SGCZ: variants seen among roughly 807,000 people sequenced by gnomAD.
SGCZ encodes zeta-sarcoglycan.
In SGCZ, 40 loss-of-function variants were observed where a neutral mutation model predicts 41.3. The ratio of observed to expected loss-of-function variants is 0.97; its 90% CI spans 0.75 to 1.26. The LOEUF (loss-of-function observed/expected upper bound fraction) is 1.26. Ranked by LOEUF, SGCZ falls within the 50% of genes most tolerant of loss-of-function variation. SGCZ has a pLI of 0.00. For synonymous variants in SGCZ, 206 were observed against 137.5 expected, an observed-to-expected ratio of 1.50 and a Z score of -3.49; for missense variants, 552 against 369.8, an observed-to-expected ratio of 1.49 and a Z score of -4.04.
intron 2 of SGCZ, among the ~76,000 whole-genome samples, chr8:14,458,508 G>A (rs1005514303): frequency 6.6e-6 from 1 of 152,174 alleles, no homozygotes; most frequent in Non-Finnish European, 1.5e-5. Flanking sequence ...AGTGAGGAAA[G>A]AAATTTTAAA....
At chr8:15,010,082 A>C (rs1802772641) in intron 1 of SGCZ, among the ~76,000 whole-genome samples, 1 of 152,168 alleles carries the variant, frequency 6.6e-6, no homozygotes, top group South Asian at 2.1e-4. Context: ...GTTATTTGAG[A>C]AATAGTCATC....
intron 2 of SGCZ, among the ~76,000 whole-genome samples, chr8:14,375,416 G>T (rs141826207): frequency 1.3e-5 from 2 of 152,034 alleles, no homozygotes; most frequent in East Asian, 1.9e-4. Flanking sequence ...CCATGATCAA[G>T]AACATAATTA....
intron 2 of SGCZ, 55 bp from the exon 3 acceptor site, chr8:14,324,259 G>T: frequency 1.5e-6 from 2 of 1,319,478 alleles, no homozygotes; most frequent in Non-Finnish European, 1.1e-6. Flanking sequence ...TGAATATCTG[G>T]CCATAATTTT....
intron 2 of SGCZ, among the ~76,000 whole-genome samples, chr8:14,530,595 G>A (rs1369990714): frequency 6.6e-6 from 1 of 152,098 alleles, no homozygotes; most frequent in African/African-American, 2.4e-5. Context: ...CAGTAACACT[G>A]TATGGTTCAC....
At chr8:14,610,294 G>C (rs1398808317) in intron 1 of SGCZ, among the ~76,000 whole-genome samples, 2 of 152,172 alleles carry the variant, frequency 1.3e-5, no homozygotes, top group Non-Finnish European at 2.9e-5. Context: ...GAAAACAGGA[G>C]ATAAACTCCC....
At chr8:14,992,006 CA>C (rs1321450842) in intron 1 of SGCZ, among the ~76,000 whole-genome samples, 5 of 150,776 alleles carry the variant, frequency 3.3e-5, no homozygotes, top group Non-Finnish European at 5.9e-5. Context: ...ATTTACCCCT[CA>C]CCCATCCTCC....
chr8:14,970,902 A>G (rs1383333224), intron 1 of SGCZ, among the ~76,000 whole-genome samples: 1 of 152,198 alleles, frequency 6.6e-6, no homozygotes, highest in Non-Finnish European at 1.5e-5. Flanking sequence ...TGGCATGCTA[A>G]CAATGTTGTA....
intron 2 of SGCZ, among the ~76,000 whole-genome samples, chr8:14,370,613 T>C (rs1299708902): frequency 6.6e-6 from 1 of 151,944 alleles, no homozygotes; most frequent in Non-Finnish European, 1.5e-5. Flanking sequence ...TATATTCATA[T>C]ATTTATATTG....
chr8:14,170,204 T>G (rs895837369), intron 4 of SGCZ, among the ~76,000 whole-genome samples: 14 of 152,176 alleles, frequency 9.2e-5, no homozygotes, highest in African/African-American at 3.4e-4. Context: ...AATCCACACG[T>G]ACAAATCCTC....
chr8:15,054,099 G>A (rs1804619587), intron 1 of SGCZ, among the ~76,000 whole-genome samples: 1 of 152,178 alleles, frequency 6.6e-6, no homozygotes, highest in South Asian at 2.1e-4. Context: ...TAGGCAAAAT[G>A]ACATTGCCCA....
intron 3 of SGCZ, among the ~76,000 whole-genome samples, chr8:14,268,353 ATG>A (rs1182146072): frequency 2.9e-5 from 4 of 135,694 alleles, no homozygotes; most frequent in African/African-American, 9.9e-5. Flanking sequence ...AAAAATATAT[ATG>A]TGTATATATA....
rs1449579679 is a variant in SGCZ, at chr8:14,637,154, T to C, written c.40-82228A>G. Among the ~76,000 whole-genome samples, 19 of 151,790 alleles carry C rather than the reference T, an allele frequency of 1.3e-4. 1 individual carries two copies. The highest frequency in any genetic ancestry group is 1.2e-3 in the Admixed American group (18 of 15,162). On this transcript the variant is annotated intron_variant, in intron 1 of 7. Transcript: ENST00000382080. ...ACCTCTGAATTTACCTACCCATATA[T>C]GTGAAGGAGTCCAAATCTTACATCA...
At chr8:14,354,332 T>C (rs1302861421) in intron 2 of SGCZ, among the ~76,000 whole-genome samples, 1 of 151,858 alleles carries the variant, frequency 6.6e-6, no homozygotes, top group African/African-American at 2.4e-5. Context: ...TTTATATAAA[T>C]GTAATAAACT....
At chr8:14,730,660 C>T (rs1465020134) in intron 1 of SGCZ, among the ~76,000 whole-genome samples, 1 of 151,520 alleles carries the variant, frequency 6.6e-6, no homozygotes, top group Non-Finnish European at 1.5e-5. Flanking sequence ...GTCACTATGA[C>T]TCTTTTTCCA....
At chr8:14,620,267 A>G (rs1416829227) in intron 1 of SGCZ, among the ~76,000 whole-genome samples, 1 of 152,158 alleles carries the variant, frequency 6.6e-6, no homozygotes, top group Non-Finnish European at 1.5e-5. Flanking sequence ...TCCCTTCCTT[A>G]CACCTTATAC....
At chr8:14,470,214 T>C (rs1801175609) in intron 2 of SGCZ, among the ~76,000 whole-genome samples, 2 of 152,222 alleles carry the variant, frequency 1.3e-5, no homozygotes, top group East Asian at 1.9e-4. Context: ...GTAACAGAAA[T>C]CTATGCTAAT....
intron 1 of SGCZ, among the ~76,000 whole-genome samples, chr8:14,599,786 T>C (rs1585113955): frequency 6.6e-6 from 1 of 152,332 alleles, no homozygotes; most frequent in East Asian, 1.9e-4. Flanking sequence ...TCATAAGTTG[T>C]TCCCTCTCTT....
At chr8:14,139,021 C>T (rs1420013423) in intron 5 of SGCZ, among the ~76,000 whole-genome samples, 6 of 152,112 alleles carry the variant, frequency 3.9e-5, no homozygotes, top group African/African-American at 4.8e-5. Context: ...CAAATTAGAA[C>T]TCAGGATTAA....
chr8:14,887,175 G>A (rs1804840813), intron 1 of SGCZ, among the ~76,000 whole-genome samples: 1 of 152,092 alleles, frequency 6.6e-6, no homozygotes, highest in Admixed American at 6.6e-5. Flanking sequence ...ATTCAAAGGA[G>A]AAGTCTTCAC....
Sources: allele counts gnomAD v4.1 joint callset (sites outside exome capture counted in the v4.1 genomes callset), GRCh38; gene constraint gnomAD v4.1.1; transcripts MANE v1.5; gene names NCBI Gene and HGNC (gene_info 2026-07-23, HGNC 2026-07-21).